The following SIPA1L2 variants were observed in gnomAD, a reference collection of about 807,000 sequenced individuals.
SIPA1L2 encodes signal-induced proliferation-associated 1-like protein 2.
SIPA1L2 carries 56 observed loss-of-function variants against 163.9 expected under a neutral mutation model. The observed-to-expected ratio is 0.34, with a 90% CI of 0.28 to 0.43. The LOEUF (loss-of-function observed/expected upper bound fraction) is 0.43, where lower values mean the gene tolerates loss of function less well. Ranked by LOEUF, SIPA1L2 falls within the 20% of genes least tolerant of loss-of-function variation. The probability of loss-of-function intolerance (pLI) is 1.00; values close to 1 mark genes in which losing one functional copy is unlikely to be tolerated. For synonymous variants in SIPA1L2, 877 were observed against 865.7 expected (o/e 1.01, Z -0.23); for missense variants, 1,974 against 2,193.5 (o/e 0.90, Z 2.00).
At chr1:232,594,282 T>C (rs565646402) in intron 1 of SIPA1L2, among the ~76,000 whole-genome samples, 17 of 152,228 alleles carry the variant, frequency 1.1e-4, no homozygotes, top group African/African-American at 3.9e-4. Flanking sequence ...GAGACAGTGG[T>C]AGAGCTGCTA....
chr1:232,479,089 A>G (rs1665188523), intron 7 of SIPA1L2, among the ~76,000 whole-genome samples: 1 of 152,270 alleles, frequency 6.6e-6, no homozygotes, highest in African/African-American at 2.4e-5. Context: ...ACAATGATTT[A>G]TGCATCATTC....
chr1:232,435,537 C>G (rs1235268384), intron 15 of SIPA1L2, among the ~76,000 whole-genome samples: 1 of 152,204 alleles, frequency 6.6e-6, no homozygotes, highest in African/African-American at 2.4e-5. Flanking sequence ...GACGTCCAGT[C>G]ATTTGTACCA....
At chr1:232,572,845 C>A (rs1386480296) in intron 2 of SIPA1L2, among the ~76,000 whole-genome samples, 1 of 150,738 alleles carries the variant, frequency 6.6e-6, no homozygotes, top group East Asian at 1.9e-4. Flanking sequence ...ATGGCGCAAT[C>A]TCGGCTCACC....
chr1:232,572,770 TATA>T (rs1659861327), intron 2 of SIPA1L2, among the ~76,000 whole-genome samples: 4 of 118,296 alleles, frequency 3.4e-5, no homozygotes, highest in Admixed American at 1.9e-4. Flanking sequence ...TATATATATA[TATA>T]TATATATTTA....
Position 232,514,737 on chromosome 1 carries a change from T to A in SIPA1L2, c.603A>T (p.Gln201His). ...CAAAAAAGTTTTCACCAGATAAGCCTTGCCTGTCGATGGATGAAGTACTTC... is the reference window on the plus strand; with the variant it reads ...CAAAAAAGTTTTCACCAGATAAGCCATGCCTGTCGATGGATGAAGTACTTC... ...EYGSTSSIDR[Q>H]GLSGENFFAM... The change falls in exon 3 of 23, where the codon CAA (glutamine) becomes CAT (histidine). Residue 201 changes from glutamine to histidine, a missense_variant. Coordinates refer to ENST00000674635, the MANE Select transcript of SIPA1L2 (RefSeq NM_020808.5). 2 of 1,614,186 alleles carry A rather than the reference T, an allele frequency of 1.2e-6. No individual in the cohort carries two copies. Among genetic ancestry groups the A allele is most frequent in the Non-Finnish European group, 1.7e-6 (2 of 1,180,032 alleles).
intron 19 of SIPA1L2, among the ~76,000 whole-genome samples, chr1:232,408,849 C>G (rs561035980): frequency 1.4e-4 from 22 of 152,212 alleles, no homozygotes; most frequent in Admixed American, 8.5e-4. Flanking sequence ...TTCAGGCTCC[C>G]ATAATTCTAA....
In SIPA1L2 at chr1:232,527,367, A is replaced by C. The variant is rs1462264665; in HGVS notation, c.-269-11759T>G. 3.3e-5 allele frequency among the ~76,000 whole-genome samples: 5 copies of C among 152,270 alleles called. No homozygotes were observed. In the East Asian group the frequency reaches 9.7e-4, roughly 29 times the overall value. On this transcript the variant is annotated intron_variant, in intron 2 of 22. Transcript: ENST00000674635. ...AGGAGTAATGCTAGGATCAATCCTC[A>C]AGAAATGTTTTCCCATAATGTACTT... is the stretch of plus-strand genomic sequence containing the variant.
intron 1 of SIPA1L2, among the ~76,000 whole-genome samples, chr1:232,586,794 G>A (rs192250135): frequency 6.6e-6 from 1 of 152,216 alleles, no homozygotes; most frequent in Non-Finnish European, 1.5e-5. Context: ...AGTGAAACAG[G>A]AGTCTTTGTC....
At chr1:232,431,662 A>G (rs1662248868) in intron 16 of SIPA1L2, among the ~76,000 whole-genome samples, 2 of 152,170 alleles carry the variant, frequency 1.3e-5, no homozygotes, top group Admixed American at 1.3e-4. Flanking sequence ...TGCATTCTTG[A>G]ATGCAATTTA....
intron 14 of SIPA1L2, among the ~76,000 whole-genome samples, chr1:232,440,896 T>A (rs1230927392): frequency 6.6e-6 from 1 of 152,194 alleles, no homozygotes; most frequent in Non-Finnish European, 1.5e-5. Flanking sequence ...CCGTGATGAT[T>A]AAATCATCGA....
intron 3 of SIPA1L2, among the ~76,000 whole-genome samples, chr1:232,499,171 T>TA (rs1413438473): frequency 1.3e-5 from 2 of 152,052 alleles, no homozygotes; most frequent in East Asian, 3.9e-4. Context: ...CCCTAAGAGT[T>TA]AAAATGAAAG....
intron 1 of SIPA1L2, among the ~76,000 whole-genome samples, chr1:232,603,973 C>G (rs1661751210): frequency 6.6e-6 from 1 of 152,164 alleles, no homozygotes; most frequent in Non-Finnish European, 1.5e-5. Flanking sequence ...AAGTGGACAT[C>G]ATATTTACTA....
intron 1 of SIPA1L2, among the ~76,000 whole-genome samples, chr1:232,616,576 ACCT>A (rs1359150265): frequency 6.6e-6 from 1 of 152,208 alleles, no homozygotes; most frequent in Non-Finnish European, 1.5e-5. Flanking sequence ...GATGGAAGGA[ACCT>A]GAATCCACAC....
At chr1:232,519,294 T>G (rs1667350763) in intron 2 of SIPA1L2, among the ~76,000 whole-genome samples, 1 of 152,230 alleles carries the variant, frequency 6.6e-6, no homozygotes, top group South Asian at 2.1e-4. Flanking sequence ...AACATGGTAG[T>G]TAATAAAACG....
intron 2 of SIPA1L2, among the ~76,000 whole-genome samples, chr1:232,550,077 A>G (rs1658285903): frequency 6.6e-6 from 1 of 152,228 alleles, no homozygotes; most frequent in African/African-American, 2.4e-5. Context: ...ATTTTTCTAA[A>G]CTGTAACTAC....
At chr1:232,467,980 G>A (rs11589854) in intron 8 of SIPA1L2, among the ~76,000 whole-genome samples, 1,552 of 152,246 alleles carry the variant, frequency 0.01, 35 homozygotes, top group African/African-American at 0.035. Flanking sequence ...TACAATGTAT[G>A]CCATATTCTT....
intron 15 of SIPA1L2, among the ~76,000 whole-genome samples, chr1:232,433,244 TG>T (rs1424314831): frequency 6.6e-6 from 1 of 152,212 alleles, no homozygotes; most frequent in Non-Finnish European, 1.5e-5. Flanking sequence ...ACAGACGACT[TG>T]GGCGATCTCA....
chr1:232,471,330 A>G, intron 8 of SIPA1L2, 41 bp downstream of exon 8: 1 of 1,566,138 alleles, frequency 6.4e-7, no homozygotes, highest in Non-Finnish European at 8.6e-7. Flanking sequence ...CCCTGTTGAA[A>G]TAAACCTGGG....
At chr1:232,570,918 T>C (rs1659688324) in intron 2 of SIPA1L2, among the ~76,000 whole-genome samples, 1 of 149,624 alleles carries the variant, frequency 6.7e-6, no homozygotes, top group African/African-American at 2.5e-5. Flanking sequence ...GTGTTTTCTC[T>C]TAGCATGAGA....
Sources: gnomAD v4.1 joint callset for allele counts (sites outside exome capture counted in the v4.1 genomes callset) on GRCh38, gnomAD v4.1.1 for gene constraint, MANE v1.5 for transcripts, NCBI Gene and HGNC (gene_info 2026-07-23, HGNC 2026-07-21) for gene names.